Variants in FIRRM observed in about 807,000 individuals in gnomAD.
FIRRM encodes FIGNL1 interacting regulator of recombination and mitosis, also known as FIGNL1-interacting regulator of recombination and mitosis.
chr1:169,821,442 ATTTCT>A, the FIRRM span, among the ~76,000 whole-genome samples: 154 of 152,190 alleles, frequency 1.0e-3, no homozygotes, highest in African/African-American at 2.4e-3. Context: ...GTAGGTTAAG[ATTTCT>A]TTTCTTTTCA....
At chr1:169,830,416 A>G in the FIRRM span, 1 of 1,286,406 alleles carries the variant, frequency 7.8e-7, no homozygotes, top group South Asian at 1.3e-5. Context: ...TTATAATTGT[A>G]AGCTTATAGA....
At chr1:169,815,747 TC>T in the FIRRM span, among the ~76,000 whole-genome samples, 1 of 152,144 alleles carries the variant, frequency 6.6e-6, no homozygotes, top group South Asian at 2.1e-4. Flanking sequence ...GGAAATGCAG[TC>T]CTGTAGGTCT....
At chr1:169,795,175 T>C in the FIRRM span, 1 of 1,536,114 alleles carries the variant, frequency 6.5e-7, no homozygotes. Flanking sequence ...AGAGGAGCTA[T>C]GCCGCCGGGA....
the FIRRM span, chr1:169,852,989 A>G: frequency 3.1e-6 from 5 of 1,611,302 alleles, no homozygotes; most frequent in Non-Finnish European, 2.5e-6. Context: ...CTAGGGTGAA[A>G]CTTATCACTA....
At chr1:169,852,964 C>T in the FIRRM span, 23 of 1,613,876 alleles carry the variant, frequency 1.4e-5, no homozygotes, top group East Asian at 4.5e-5. Context: ...TAAGCTAAAA[C>T]GTTACATACA....
chr1:169,809,193 GCTAA>G, the FIRRM span, among the ~76,000 whole-genome samples: 3 of 152,272 alleles, frequency 2.0e-5, no homozygotes, highest in African/African-American at 7.2e-5. Flanking sequence ...TTAGGAAGGG[GCTAA>G]CTTTTTTCTT....
chr1:169,812,185 A>T, the FIRRM span, among the ~76,000 whole-genome samples: 1 of 152,218 alleles, frequency 6.6e-6, no homozygotes, highest in African/African-American at 2.4e-5. Context: ...GCTTCGAACA[A>T]ATCTTGTGTA....
the FIRRM span, among the ~76,000 whole-genome samples, chr1:169,803,521 A>G: frequency 1.3e-5 from 2 of 152,158 alleles, no homozygotes; most frequent in African/African-American, 4.8e-5. Flanking sequence ...TTTTAGTTTT[A>G]TCTTATTTCC....
the FIRRM span, among the ~76,000 whole-genome samples, chr1:169,834,266 A>C: frequency 3.0e-3 from 458 of 152,288 alleles, 3 homozygotes; most frequent in African/African-American, 9.9e-3. Flanking sequence ...TCAGTTATCA[A>C]ATGCAGATTT....
the FIRRM span, chr1:169,842,679 T>A: frequency 1.1e-6 from 1 of 911,276 alleles, no homozygotes; most frequent in Non-Finnish European, 1.6e-6. Context: ...GAACTTAAAG[T>A]ACCTGTACTC....
chr1:169,836,823 A>G, the FIRRM span: 15 of 758,280 alleles, frequency 2.0e-5, no homozygotes, highest in Non-Finnish European at 2.5e-5. Flanking sequence ...ACCATTATAA[A>G]GCTTTCTCGA....
At chr1:169,807,331 ACC>A in the FIRRM span, among the ~76,000 whole-genome samples, 1 of 152,180 alleles carries the variant, frequency 6.6e-6, no homozygotes, top group Non-Finnish European at 1.5e-5. Flanking sequence ...TGATATCCTT[ACC>A]CTAAGATTAA....
the FIRRM span, among the ~76,000 whole-genome samples, chr1:169,815,890 T>A: frequency 2.0e-5 from 3 of 152,216 alleles, no homozygotes; most frequent in African/African-American, 7.2e-5. Context: ...AGACATCTTC[T>A]ATAACTTCTT....
chr1:169,848,113 T>C, the FIRRM span, among the ~76,000 whole-genome samples: 3 of 152,186 alleles, frequency 2.0e-5, no homozygotes, highest in Non-Finnish European at 4.4e-5. Context: ...GGGAACAGCA[T>C]GTAATTAGGA....
the FIRRM span, among the ~76,000 whole-genome samples, chr1:169,847,382 A>G: frequency 6.7e-6 from 1 of 149,676 alleles, no homozygotes; most frequent in East Asian, 2.0e-4. Context: ...ACAATAAAAT[A>G]CTGTTTGTAC....
At chr1:169,788,421 TTC>T in the FIRRM span, among the ~76,000 whole-genome samples, 2 of 152,268 alleles carry the variant, frequency 1.3e-5, no homozygotes, top group Non-Finnish European at 2.9e-5. Flanking sequence ...TAACACTTTC[TTC>T]TCTCTAGCTT....
the FIRRM span, chr1:169,795,073 T>C: frequency 6.6e-7 from 1 of 1,512,770 alleles, no homozygotes; most frequent in Non-Finnish European, 8.9e-7. Context: ...TTGGCGGGTC[T>C]GGTTTGAAGC....
At chr1:169,821,779 T>TA in the FIRRM span, 8 of 1,487,896 alleles carry the variant, frequency 5.4e-6, no homozygotes, top group Non-Finnish European at 7.4e-6. Flanking sequence ...TATTATACGT[T>TA]ACTTTATTTA....
the FIRRM span, chr1:169,806,220 A>G: frequency 1.7e-6 from 1 of 599,722 alleles, no homozygotes; most frequent in Non-Finnish European, 2.9e-6. Context: ...CTGCTGTCTG[A>G]TAATCCAGAT....
Sources: gnomAD v4.1 joint callset for allele counts (sites outside exome capture counted in the v4.1 genomes callset) on GRCh38, gnomAD v4.1.1 for gene constraint, MANE v1.5 for transcripts, NCBI Gene and HGNC (gene_info 2026-07-23, HGNC 2026-07-21) for gene names.